Variants in NFXL1 observed in about 807,000 individuals in gnomAD.
NFXL1 encodes NF-X1-type zinc finger protein NFXL1.
In NFXL1, 66 loss-of-function variants were observed where a neutral mutation model predicts 123.3. The observed-to-expected ratio is 0.54, with a 90% CI of 0.44 to 0.66. NFXL1 has a LOEUF of 0.66. NFXL1 is among the 30% of genes least tolerant of loss of function. The pLI, the probability that NFXL1 is intolerant of heterozygous loss-of-function variation, is 0.00. For missense variants in NFXL1, 944 were observed against 1,125.6 expected (o/e 0.84, Z 2.31); for synonymous variants, 346 against 360.8 (o/e 0.96, Z 0.46).
At position 47,878,582 on chromosome 4, in the gene NFXL1, T is replaced by C. The variant is rs746000238; in HGVS notation, c.2022A>G (p.Thr674=). ...CGRILDCQNH[T]CMKECHKVTK... Reference sequence around the variant, plus strand: ...TTACTTTGTGGCATTCTTTCATACATGTGTGATTCTGACAATCCAAGATTC... The same window carrying C: ...TTACTTTGTGGCATTCTTTCATACACGTGTGATTCTGACAATCCAAGATTC... Residue 674 remains threonine (T), a synonymous_variant, in exon 17 of 23, where the codon ACA becomes ACG. Transcript: ENST00000507489. The C allele has an allele frequency of 3.7e-6, 6 of 1,608,348 alleles. No homozygotes were observed. Among genetic ancestry groups the C allele is most frequent in the Non-Finnish European group, 3.4e-6 (4 of 1,177,040 alleles).
At chr4:47,851,792 TAAATGC>T in intron 21 of NFXL1, 58 bp downstream of exon 21, 1 of 1,094,334 alleles carries the variant, frequency 9.1e-7, no homozygotes, top group Non-Finnish European at 1.4e-6. Context: ...AATAAGTACA[TAAATGC>T]ACAAAATAAG....
intron 20 of NFXL1, among the ~76,000 whole-genome samples, chr4:47,853,313 G>A (rs1308058058): frequency 6.6e-6 from 1 of 151,986 alleles, no homozygotes; most frequent in African/African-American, 2.4e-5. Flanking sequence ...TAAATGCTAT[G>A]TAAGCACTAC....
At chr4:47,864,561 C>T (rs1734946207) in intron 18 of NFXL1, among the ~76,000 whole-genome samples, 1 of 152,066 alleles carries the variant, frequency 6.6e-6, no homozygotes, top group African/African-American at 2.4e-5. Flanking sequence ...GTTGGGTTTC[C>T]CTACTCGGTC....
intron 16 of NFXL1, 95 bp downstream of exon 16, chr4:47,879,001 T>C: frequency 1.3e-6 from 1 of 751,764 alleles, no homozygotes; most frequent in Non-Finnish European, 2.2e-6. Context: ...TAACAATACT[T>C]TGACTTTGTT....
intron 2 of NFXL1, among the ~76,000 whole-genome samples, chr4:47,913,011 CAAAAA>C (rs574444228): frequency 0.12 from 8,828 of 74,538 alleles, 389 homozygotes; most frequent in East Asian, 0.37. Context: ...GACTCTGTCT[CAAAAA>C]AAAAAAAAAA....
intron 18 of NFXL1, among the ~76,000 whole-genome samples, chr4:47,872,541 C>T (rs1001874608): frequency 1.1e-4 from 17 of 152,098 alleles, no homozygotes; most frequent in African/African-American, 3.6e-4. Context: ...GGTTCAGTTC[C>T]AGACCACCTT....
At chr4:47,855,009 A>C in intron 20 of NFXL1, 50 bp downstream of exon 20, 1 of 818,924 alleles carries the variant, frequency 1.2e-6, no homozygotes, top group Admixed American at 2.6e-5. Context: ...AGAAAACCAC[A>C]CAAAAACAAC....
chr4:47,887,666 T>C (rs1332809623), intron 12 of NFXL1, among the ~76,000 whole-genome samples: 2 of 152,222 alleles, frequency 1.3e-5, no homozygotes, highest in African/African-American at 2.4e-5. Context: ...TCTGTTTCTA[T>C]ACTTAACAAT....
chr4:47,880,614 ATATTTCC>A (rs1736036715), intron 15 of NFXL1, among the ~76,000 whole-genome samples: 1 of 151,974 alleles, frequency 6.6e-6, no homozygotes, highest in Admixed American at 6.6e-5. Flanking sequence ...TATCAGTGCC[ATATTTCC>A]TATAGCATGT....
chr4:47,871,643 G>A (rs906040531), intron 18 of NFXL1, among the ~76,000 whole-genome samples: 2 of 152,154 alleles, frequency 1.3e-5, no homozygotes, highest in African/African-American at 2.4e-5. Context: ...GTGTGACACT[G>A]CCCAAGTTCA....
intron 16 of NFXL1, 28 bp downstream of exon 16, chr4:47,879,068 T>C (rs199959224): frequency 8.1e-5 from 106 of 1,315,452 alleles, no homozygotes; most frequent in South Asian, 3.3e-4. Context: ...ATTATAAGCT[T>C]TACTTAAAAA....
chr4:47,851,249 T>A, intron 21 of NFXL1, 101 bp from the exon 22 acceptor site: 1 of 775,104 alleles, frequency 1.3e-6, no homozygotes, highest in Non-Finnish European at 2.2e-6. Flanking sequence ...CATATCAACT[T>A]TTAGGAGCTT....
At chr4:47,848,447 T>A in intron 22 of NFXL1, 111 bp from the exon 23 acceptor site, 2 of 748,046 alleles carry the variant, frequency 2.7e-6, no homozygotes, top group Non-Finnish European at 4.2e-6. Flanking sequence ...TGATATATAG[T>A]CAATATATTG....
chr4:47,891,174 C>G (rs1208643296), intron 11 of NFXL1, among the ~76,000 whole-genome samples: 1 of 147,332 alleles, frequency 6.8e-6, no homozygotes, highest in Non-Finnish European at 1.5e-5. Context: ...TGTAATGGCA[C>G]AGTCTTGACT....
At chr4:47,905,133 T>C (rs1737505499) in intron 4 of NFXL1, 104 bp downstream of exon 4, 2 of 491,582 alleles carry the variant, frequency 4.1e-6, no homozygotes, top group African/African-American at 3.9e-5. Flanking sequence ...AATGAAGCAT[T>C]TTTAAACATA....
At position 47,914,179 on chromosome 4, in the gene NFXL1, C is replaced by A; in HGVS notation, c.25G>T (p.Ala9Ser). 1 of 1,522,416 alleles carries A rather than the reference C, an allele frequency of 6.6e-7. No individual in the cohort carries two copies. The allele number at this position is 1,522,416 out of a possible 1,614,324, so 94.3% of individuals were successfully genotyped here. Reference sequence around the variant, plus strand: ...CCCCGGGATCGGCCTCGGCCACCGGCCACCTGGCGCCAGGAAGCTTCCATC... The same window carrying A: ...CCCCGGGATCGGCCTCGGCCACCGGACACCTGGCGCCAGGAAGCTTCCATC... The part of the protein sequence containing the change: MEASWRQV[A>S]GGRGRSRGRA... The change falls in exon 2 of 23, where the codon GCC becomes TCC. Residue 9 changes from alanine (A) to serine (S), a missense_variant. Transcript: ENST00000507489.
At chr4:47,856,784 T>C (rs947190775) in intron 19 of NFXL1, among the ~76,000 whole-genome samples, 1 of 152,202 alleles carries the variant, frequency 6.6e-6, no homozygotes, top group African/African-American at 2.4e-5. Context: ...TTCTGAATGA[T>C]TTCAGTTTTG....
At chr4:47,879,020 C>T in intron 16 of NFXL1, 76 bp downstream of exon 16, 1 of 831,772 alleles carries the variant, frequency 1.2e-6, no homozygotes, top group South Asian at 1.7e-5. Flanking sequence ...TTATTTCTAA[C>T]AACTCTAGTA....
At chr4:47,868,845 AATT>A (rs1735262083) in intron 18 of NFXL1, among the ~76,000 whole-genome samples, 1 of 152,250 alleles carries the variant, frequency 6.6e-6, no homozygotes, top group Non-Finnish European at 1.5e-5. Flanking sequence ...TAAAAGCCGT[AATT>A]ATTAAAAATT....
Sources: gnomAD v4.1 joint callset for allele counts (sites outside exome capture counted in the v4.1 genomes callset) on GRCh38, gnomAD v4.1.1 for gene constraint, MANE v1.5 for transcripts, NCBI Gene and HGNC (gene_info 2026-07-23, HGNC 2026-07-21) for gene names.